The following NFYC variants were observed in gnomAD, a reference collection of about 807,000 sequenced individuals.
NFYC encodes CAAT box DNA-binding protein subunit C.
In NFYC, 25 loss-of-function variants were observed where a neutral mutation model predicts 53.1. The observed-to-expected ratio is 0.47, with a 90% CI of 0.34 to 0.66. The LOEUF (loss-of-function observed/expected upper bound fraction) is 0.66. Ranked by LOEUF, NFYC falls within the 30% of genes least tolerant of loss-of-function variation. NFYC has a pLI of 0.01. For missense variants in NFYC, 260 were observed against 422.7 expected (o/e 0.62, Z 3.38); for synonymous variants, 145 against 152.6 (o/e 0.95, Z 0.37).
At chr1:40,739,508 T>C (rs1428552893) in intron 2 of NFYC, among the ~76,000 whole-genome samples, 1 of 152,194 alleles carries the variant, frequency 6.6e-6, no homozygotes, top group Non-Finnish European at 1.5e-5. Context: ...CCCTAGCCTC[T>C]ACTCACTAGA....
intron 1 of NFYC, among the ~76,000 whole-genome samples, chr1:40,720,261 A>G (rs1229782124): frequency 6.6e-6 from 1 of 152,218 alleles, no homozygotes; most frequent in Admixed American, 6.5e-5. Context: ...AGCCAAGCTC[A>G]TATTGACATT....
At chr1:40,722,376 T>G (rs1644359807) in intron 1 of NFYC, among the ~76,000 whole-genome samples, 1 of 152,168 alleles carries the variant, frequency 6.6e-6, no homozygotes, top group African/African-American at 2.4e-5. Context: ...GGCTTAAAAA[T>G]TATTTCATGT....
intron 1 of NFYC, among the ~76,000 whole-genome samples, chr1:40,697,718 A>G (rs1643227085): frequency 1.3e-5 from 2 of 152,218 alleles, no homozygotes; most frequent in East Asian, 1.9e-4. Flanking sequence ...TCACTTGAGT[A>G]ACGTTTTCTT....
intron 1 of NFYC, among the ~76,000 whole-genome samples, chr1:40,720,771 G>A (rs1534956): frequency 0.66 from 99,728 of 152,076 alleles, 32,984 homozygotes; most frequent in African/African-American, 0.72. Context: ...AGGAGGCTGA[G>A]CAGGGGAGGA....
In NFYC at chr1:40,702,241, G is replaced by A. The variant is rs1484105293; in HGVS notation, c.-9+10374G>A. Among the ~76,000 whole-genome samples the A allele has an allele frequency of 2.6e-5, 4 of 151,866 alleles. No individual in the cohort carries two copies. The South Asian group carries it at 6.2e-4, about 24-fold the overall frequency. On this transcript the variant is annotated intron_variant, in intron 1 of 9. Transcript: ENST00000447388. Reference sequence around the variant, plus strand: ...AGTTTATTTCATTCCTTCATTCACTGATAACCATTTACTGAGCACCAGTGC... The same window carrying A: ...AGTTTATTTCATTCCTTCATTCACTAATAACCATTTACTGAGCACCAGTGC...
intron 1 of NFYC, among the ~76,000 whole-genome samples, chr1:40,707,539 C>G (rs694648): frequency 6.2e-4 from 94 of 150,748 alleles, no homozygotes; most frequent in Non-Finnish European, 1.1e-3. Context: ...CACAGTGGCT[C>G]ACGCCTGTAA....
intron 1 of NFYC, among the ~76,000 whole-genome samples, chr1:40,719,927 T>C (rs1297773741): frequency 2.0e-5 from 3 of 152,232 alleles, no homozygotes; most frequent in African/African-American, 7.2e-5. Context: ...TTGCTTATCT[T>C]ATGTGTTTAT....
At chr1:40,759,626 A>G (rs527381130) in intron 6 of NFYC, among the ~76,000 whole-genome samples, 71 of 151,444 alleles carry the variant, frequency 4.7e-4, no homozygotes, top group African/African-American at 1.6e-3. Context: ...ATGTGTGTGT[A>G]TGTATGTAGG....
chr1:40,740,932 T>C (rs1186464012), intron 2 of NFYC, among the ~76,000 whole-genome samples: 1 of 152,088 alleles, frequency 6.6e-6, no homozygotes, highest in Non-Finnish European at 1.5e-5. Flanking sequence ...GATTTTTTTT[T>C]TTTTTTAGTT....
chr1:40,752,142 A>G (rs1300039588), intron 4 of NFYC, among the ~76,000 whole-genome samples: 1 of 152,222 alleles, frequency 6.6e-6, no homozygotes, highest in African/African-American at 2.4e-5. Flanking sequence ...AACATAAGCA[A>G]AGTTTACAGT....
chr1:40,737,936 T>C (rs1645135832), intron 1 of NFYC, among the ~76,000 whole-genome samples: 1 of 146,420 alleles, frequency 6.8e-6, no homozygotes, highest in African/African-American at 2.6e-5. Flanking sequence ...GGAGTCTCGC[T>C]CTGTCGCCCA....
chr1:40,761,286 G>T (rs1456785365), intron 6 of NFYC, among the ~76,000 whole-genome samples: 1 of 152,198 alleles, frequency 6.6e-6, no homozygotes, highest in Non-Finnish European at 1.5e-5. Flanking sequence ...GGATGGTGAA[G>T]TTGGTCCTTC....
intron 1 of NFYC, among the ~76,000 whole-genome samples, chr1:40,701,343 G>C (rs1643424498): frequency 6.6e-6 from 1 of 152,154 alleles, no homozygotes; most frequent in Non-Finnish European, 1.5e-5. Context: ...TCAAACTCCT[G>C]ACTTCAGTTG....
intron 4 of NFYC, among the ~76,000 whole-genome samples, chr1:40,752,491 C>T (rs1645970204): frequency 6.6e-6 from 1 of 152,066 alleles, no homozygotes; most frequent in Non-Finnish European, 1.5e-5. Flanking sequence ...GTCTTGGTTT[C>T]AGTATCATTA....
intron 1 of NFYC, among the ~76,000 whole-genome samples, chr1:40,738,078 A>AT (rs1470031431): frequency 3.3e-5 from 5 of 151,420 alleles, no homozygotes; most frequent in Admixed American, 2.6e-4. Context: ...AATTTTTTGT[A>AT]TTTTTAGTAG....
At position 40,737,084 on chromosome 1, in the gene NFYC, A is replaced by G. The variant is rs1285141618; in HGVS notation, c.-8-1752A>G. ...AGAGGTTGCAGTGAGCTGAAATTGCACCACTGCACTCCAGTCTGGGCAACA... is the reference window on the plus strand; with the variant it reads ...AGAGGTTGCAGTGAGCTGAAATTGCGCCACTGCACTCCAGTCTGGGCAACA... On this transcript the variant is annotated intron_variant, in intron 1 of 9. Coordinates refer to ENST00000447388, the MANE Select transcript of NFYC (RefSeq NM_014223.5). Among the ~76,000 whole-genome samples the G allele has an allele frequency of 3.5e-5, 5 of 144,404 alleles. No individual in the cohort carries two copies. The East Asian group carries it at 1.1e-3, about 30-fold the overall frequency. 94.7% of individuals were successfully genotyped at this position (144,404 alleles called of 152,430 possible).
intron 2 of NFYC, among the ~76,000 whole-genome samples, chr1:40,740,588 A>T (rs1645286111): frequency 6.6e-6 from 1 of 152,220 alleles, no homozygotes; most frequent in African/African-American, 2.4e-5. Flanking sequence ...CTGAAAAGTC[A>T]TTGTTCCTCT....
At chr1:40,769,799 T>C (rs1011174527) in intron 9 of NFYC, among the ~76,000 whole-genome samples, 2 of 152,202 alleles carry the variant, frequency 1.3e-5, no homozygotes, top group Non-Finnish European at 2.9e-5. Flanking sequence ...TTTAATAGCA[T>C]GGACTGTTGA....
chr1:40,691,853 G>A lies in NFYC; in HGVS notation c.-23G>A. The A allele has an allele frequency of 4.6e-6, 2 of 433,012 alleles. No homozygotes were observed. Among genetic ancestry groups the A allele is most frequent in the South Asian group, 3.2e-5 (2 of 62,772 alleles). The allele number at this position is 433,012 out of a possible 1,614,324, so 26.8% of individuals were successfully genotyped here. A position where few individuals can be genotyped will look rare whatever the true frequency, so the allele number is the denominator to read the frequency against. On this transcript the variant is annotated 5_prime_UTR_variant, in exon 1 of 10. Transcript: ENST00000447388. ...GCGGGGGCGGCTCCTGCTCTTCCTG[G>A]ACTCCTGAGCAGAGGTGTGTGAGTG...
Sources: allele counts gnomAD v4.1 joint callset (sites outside exome capture counted in the v4.1 genomes callset), GRCh38; gene constraint gnomAD v4.1.1; transcripts MANE v1.5; gene names NCBI Gene and HGNC (gene_info 2026-07-23, HGNC 2026-07-21).